STK24: variants seen among roughly 807,000 people sequenced by gnomAD.
STK24 encodes serine/threonine kinase 24.
A neutral mutation model predicts 55.6 loss-of-function variants in STK24; 21 were observed. The ratio of observed to expected loss-of-function variants is 0.38; its 90% confidence interval spans 0.27 to 0.54. STK24 has a LOEUF of 0.54. Among genes scored for constraint, STK24 ranks in the 20% least tolerant of loss-of-function variants. The pLI, the probability that STK24 is intolerant of heterozygous loss-of-function variation, is 0.79. For synonymous variants in STK24, 200 were observed against 215.2 expected (o/e 0.93, Z 0.62); for missense variants, 383 against 538.4 (o/e 0.71, Z 2.86).
intron 1 of STK24, among the ~76,000 whole-genome samples, chr13:98,544,319 G>T (rs4772100): frequency 0.5 from 76,070 of 151,980 alleles, 19,181 homozygotes; most frequent in East Asian, 0.52. Flanking sequence ...TGCAGACACA[G>T]AAGTCCCCAG....
intron 5 of STK24, among the ~76,000 whole-genome samples, chr13:98,468,135 G>A (rs1417198587): frequency 6.6e-6 from 1 of 152,208 alleles, no homozygotes; most frequent in African/African-American, 2.4e-5. Context: ...TGCAGCCTTA[G>A]TGAGTACCAG....
At chr13:98,496,950 G>A (rs956570587) in intron 2 of STK24, among the ~76,000 whole-genome samples, 2 of 152,142 alleles carry the variant, frequency 1.3e-5, no homozygotes. Flanking sequence ...CATCATCTGC[G>A]GGTACACATC....
chr13:98,489,966 G>A (rs1341641676), intron 2 of STK24, among the ~76,000 whole-genome samples: 2 of 152,202 alleles, frequency 1.3e-5, no homozygotes, highest in African/African-American at 4.8e-5. Flanking sequence ...CAGAAGGTCA[G>A]GGAAAGGCCC....
At chr13:98,536,107 T>C (rs1896727516) in intron 1 of STK24, among the ~76,000 whole-genome samples, 1 of 152,198 alleles carries the variant, frequency 6.6e-6, no homozygotes. Flanking sequence ...ATAGACAAGG[T>C]TGATTTGTCA....
rs1325890991 is a variant in STK24 at position 98,445,946 on chromosome 13, G to A, written c.*7227C>T. ...AGATCAGGGTCCCAGGACCTGCCAAGTCTCCCCACACACGGGGGAGCGGGG... is the reference window on the plus strand; with the variant it reads ...AGATCAGGGTCCCAGGACCTGCCAAATCTCCCCACACACGGGGGAGCGGGG... On this transcript the variant is annotated 3_prime_UTR_variant, in exon 11 of 11. Coordinates refer to ENST00000539966, the MANE Select transcript of STK24 (RefSeq NM_001032296.4). 2 of 592,594 alleles carry A rather than the reference G, an allele frequency of 3.4e-6. No homozygotes were observed. The highest frequency in any genetic ancestry group is 6.1e-6 in the Non-Finnish European group (2 of 329,488). The allele number at this position is 592,594 out of a possible 1,614,324, so 36.7% of individuals were successfully genotyped here.
chr13:98,455,481 T>A (rs1256356838), intron 10 of STK24: 1 of 152,202 alleles, frequency 6.6e-6, no homozygotes, highest in Non-Finnish European at 1.5e-5. Context: ...CCTCAAGCGA[T>A]CCTCCTGCCT....
intron 2 of STK24, among the ~76,000 whole-genome samples, chr13:98,488,342 G>A (rs556632202): frequency 6.6e-6 from 1 of 152,160 alleles, no homozygotes; most frequent in African/African-American, 2.4e-5. Context: ...CCCAGTCTGC[G>A]CTACTTCGTT....
rs183104488 is a variant in STK24, at chr13:98,470,091, A to G, written c.598-3530T>C. On this transcript the variant is annotated intron_variant, in intron 5 of 10. Transcript: ENST00000539966. ...ACAATGTGTTGATAGGGAAACTCAT[A>G]AATATAATTGAGTTTGTCTATTACT... Among the ~76,000 whole-genome samples the G allele has an allele frequency of 1.5e-4, 23 of 152,306 alleles. No individual in the cohort carries two copies. The East Asian group carries it at 4.1e-3, about 27-fold the overall frequency.
At chr13:98,542,557 G>A (rs969887598) in intron 1 of STK24, among the ~76,000 whole-genome samples, 2 of 152,146 alleles carry the variant, frequency 1.3e-5, no homozygotes, top group African/African-American at 2.4e-5. Flanking sequence ...CAGGAAACCA[G>A]CATATAAATA....
At position 98,447,792 on chromosome 13, in the gene STK24, C is replaced by G. The variant is rs9556958; in HGVS notation, c.*5381G>C. 6.2e-6 allele frequency: 1 copy of G among 161,776 alleles called. No individual in the cohort carries two copies. The highest frequency in any genetic ancestry group is 1.7e-4 in the South Asian group (1 of 6,004). 10.0% of individuals were successfully genotyped at this position (161,776 alleles called of 1,614,324 possible). ...GAGCCCAGGAGGTAGCTACAGTGGG[C>G]GATAACTGCACCACTGAACTCCAGT... On this transcript the variant is annotated 3_prime_UTR_variant, in exon 11 of 11. Transcript: ENST00000539966.
chr13:98,574,162 C>T (rs1050253329), intron 1 of STK24, among the ~76,000 whole-genome samples: 1 of 152,166 alleles, frequency 6.6e-6, no homozygotes, highest in Non-Finnish European at 1.5e-5. Flanking sequence ...CAGGCGTGTG[C>T]CACCACGCCC....
intron 2 of STK24, among the ~76,000 whole-genome samples, chr13:98,490,948 G>C (rs1439975339): frequency 6.6e-6 from 1 of 152,130 alleles, no homozygotes; most frequent in African/African-American, 2.4e-5. Flanking sequence ...AGAATGAGAA[G>C]TGTTCTCTGG....
intron 1 of STK24, among the ~76,000 whole-genome samples, chr13:98,563,687 T>C (rs1008664982): frequency 6.9e-4 from 104 of 151,556 alleles, no homozygotes; most frequent in Non-Finnish European, 1.2e-3. Context: ...TGAAACCCCA[T>C]CTCTACTAAA....
chr13:98,482,958 T>C (rs945788550), intron 2 of STK24, among the ~76,000 whole-genome samples: 1 of 152,262 alleles, frequency 6.6e-6, no homozygotes, highest in Non-Finnish European at 1.5e-5. Flanking sequence ...TGCATGTCTG[T>C]GTCCTCTCAA....
chr13:98,476,242 C>T (rs545238285), intron 3 of STK24, among the ~76,000 whole-genome samples: 55 of 129,076 alleles, frequency 4.3e-4, no homozygotes, highest in Non-Finnish European at 7.1e-4. Context: ...GACGGGAAGC[C>T]CCCCCCCGCC....
chr13:98,551,745 G>T (rs1266728439), intron 1 of STK24, among the ~76,000 whole-genome samples: 1 of 152,150 alleles, frequency 6.6e-6, no homozygotes, highest in Non-Finnish European at 1.5e-5. Context: ...ATGCTTGCTG[G>T]AATGTCTGCC....
intron 10 of STK24, chr13:98,456,880 T>G: frequency 2.0e-6 from 1 of 508,652 alleles, no homozygotes; most frequent in Non-Finnish European, 3.5e-6. Context: ...TTAAGCTGCA[T>G]AATTAAGAGG....
intron 1 of STK24, among the ~76,000 whole-genome samples, chr13:98,535,082 C>T (rs1896678735): frequency 6.6e-6 from 1 of 152,180 alleles, no homozygotes; most frequent in Admixed American, 6.5e-5. Flanking sequence ...GGCGTGGTGG[C>T]TCACGCCTGT....
chr13:98,576,755 G>A lies in STK24; in HGVS notation c.32C>T (p.Pro11Leu), dbSNP rs1317549406. The change falls in exon 1 of 11, where the codon CCC (proline) becomes CTC (leucine). Residue 11 changes from proline to leucine, a missense_variant. Coordinates refer to ENST00000539966, the MANE Select transcript of STK24 (RefSeq NM_001032296.4). ...CCCGCGCCCGCCTACCTGCATGCCG[G>A]GCAGGCCCGACTGCACCGGGGAGTG... is the stretch of plus-strand genomic sequence containing the variant. The part of the protein sequence containing the change: MAHSPVQSGL[P>L]GMQNLKADPE... 2.1e-6 allele frequency: 3 copies of A among 1,458,418 alleles called. No individual in the cohort carries two copies. Among genetic ancestry groups the A allele is most frequent in the African/African-American group, 1.5e-5 (1 of 67,682 alleles). 90.3% of individuals were successfully genotyped at this position (1,458,418 alleles called of 1,614,324 possible).
Sources: gnomAD v4.1 joint callset for allele counts (sites outside exome capture counted in the v4.1 genomes callset) on GRCh38, gnomAD v4.1.1 for gene constraint, MANE v1.5 for transcripts, NCBI Gene and HGNC (gene_info 2026-07-23, HGNC 2026-07-21) for gene names.